Variants in HECW2 observed in about 807,000 individuals in gnomAD.
HECW2 encodes the protein HECT, C2 and WW domain containing E3 ubiquitin protein ligase 2.
HECW2 carries 61 observed loss-of-function variants against 175.2 expected under a neutral mutation model. The ratio of observed to expected loss-of-function variants is 0.35; its 90% confidence interval spans 0.28 to 0.43. The LOEUF (loss-of-function observed/expected upper bound fraction) is 0.43. Ranked by LOEUF, HECW2 falls within the 20% of genes least tolerant of loss-of-function variation. HECW2 has a pLI of 1.00. For synonymous variants in HECW2, 671 were observed against 731.0 expected (o/e 0.92, Z 1.32); for missense variants, 1,524 against 2,000.5 (o/e 0.76, Z 4.54).
At chr2:196,375,199 T>A (rs1225994477) in intron 2 of HECW2, among the ~76,000 whole-genome samples, 2 of 151,328 alleles carry the variant, frequency 1.3e-5, no homozygotes, top group East Asian at 3.9e-4. Context: ...AGAAAACTAG[T>A]TTCAATCTGT....
At chr2:196,502,575 T>C (rs1439363176) in intron 1 of HECW2, among the ~76,000 whole-genome samples, 1 of 152,244 alleles carries the variant, frequency 6.6e-6, no homozygotes, top group Admixed American at 6.5e-5. Context: ...ATGTTATACA[T>C]ATTCGTACTC....
At position 196,556,383 on chromosome 2, in the gene HECW2, G is replaced by T. The variant is rs140907602; in HGVS notation, c.-36+37125C>A. Among the ~76,000 whole-genome samples, 110 of 152,216 alleles carry T rather than the reference G, an allele frequency of 7.2e-4. 3 individuals carry two copies. Among genetic ancestry groups the T allele is most frequent in the African/African-American group, 2.2e-3 (91 of 41,536 alleles). On this transcript the variant is annotated intron_variant, in intron 1 of 28. Transcript: ENST00000644978. ...TTCACTATAGTCATCATGCTGTACA[G>T]TAAGTCTCCAGAATGTATTCATCTT...
chr2:196,523,471 T>C (rs1032075357), intron 1 of HECW2, among the ~76,000 whole-genome samples: 3 of 151,176 alleles, frequency 2.0e-5, no homozygotes, highest in African/African-American at 7.3e-5. Flanking sequence ...CTTTATTTCC[T>C]TCTCCTGCCT....
chr2:196,350,468 C>T (rs905563701), intron 2 of HECW2, among the ~76,000 whole-genome samples: 1 of 152,200 alleles, frequency 6.6e-6, no homozygotes, highest in Admixed American at 6.5e-5. Context: ...TTAGCAAGCA[C>T]CCCAACCAGA....
chr2:196,550,188 T>C (rs1689563746), intron 1 of HECW2, among the ~76,000 whole-genome samples: 1 of 152,216 alleles, frequency 6.6e-6, no homozygotes, highest in East Asian at 1.9e-4. Flanking sequence ...ACCATCCATA[T>C]AAAGGTAGAC....
intron 1 of HECW2, among the ~76,000 whole-genome samples, chr2:196,477,092 G>C (rs1686658646): frequency 6.7e-6 from 1 of 150,314 alleles, no homozygotes; most frequent in Admixed American, 6.7e-5. Flanking sequence ...AACAGGAGCT[G>C]TGATTACACC....
rs1317922712 is a variant in HECW2 at position 196,222,352 on chromosome 2, A to C, written c.4017-12T>G. 6.2e-7 allele frequency: 1 copy of C among 1,611,078 alleles called. No homozygotes were observed. The highest frequency in any genetic ancestry group is 1.1e-5 in the South Asian group (1 of 90,698). ...TCAGGTCACATAGACTAAGATGACA[A>C]ACAGACAGAAACAAATATGTAGGCA... is the stretch of plus-strand genomic sequence containing the variant. On this transcript the variant is annotated splice_polypyrimidine_tract_variant and intron_variant, in intron 23 of 28. Transcript: ENST00000644978.
chr2:196,252,203 A>AATAATAATAATAATG (rs1158487414), intron 19 of HECW2, among the ~76,000 whole-genome samples: 2 of 143,176 alleles, frequency 1.4e-5, no homozygotes, highest in Non-Finnish European at 3.1e-5. Flanking sequence ...TAATAATAAT[A>AATAATAATAATAATG]ATAATAATAA....
At chr2:196,396,834 G>A (rs62187104) in intron 2 of HECW2, among the ~76,000 whole-genome samples, 140,104 of 151,726 alleles carry the variant, frequency 0.92, 64,935 homozygotes, top group East Asian at 0.96. Context: ...AAAAATGGCC[G>A]GGTGTGGTGT....
rs1288971497 is a variant in HECW2, at chr2:196,196,175, C to G, written c.*5102G>C. The G allele has an allele frequency of 6.6e-6, 1 of 152,242 alleles. No homozygotes were observed. Among genetic ancestry groups the G allele is most frequent in the Admixed American group, 6.5e-5 (1 of 15,284 alleles). The allele number at this position is 152,242 out of a possible 1,614,324, so 9.4% of individuals were successfully genotyped here. On this transcript the variant is annotated 3_prime_UTR_variant, in exon 29 of 29. Coordinates refer to ENST00000644978, the MANE Select transcript of HECW2 (RefSeq NM_001348768.2). ...TCGGAATGCAGTTACCACTCTGAAT[C>G]TTGACAGTTGGTCAATAATTAGCAT...
chr2:196,236,816 A>G (rs1688269125), intron 21 of HECW2, among the ~76,000 whole-genome samples: 1 of 152,190 alleles, frequency 6.6e-6, no homozygotes, highest in African/African-American at 2.4e-5. Flanking sequence ...TATTATCAAC[A>G]TGACTTGTGG....
At chr2:196,247,137 G>GCCC (rs1688676243) in intron 19 of HECW2, among the ~76,000 whole-genome samples, 1 of 152,066 alleles carries the variant, frequency 6.6e-6, no homozygotes, top group East Asian at 1.9e-4. Context: ...TGTAGTCCCA[G>GCCC]CTACTTGGGG....
chr2:196,362,967 A>G (rs1192863785), intron 2 of HECW2, among the ~76,000 whole-genome samples: 1 of 152,192 alleles, frequency 6.6e-6, no homozygotes, highest in Non-Finnish European at 1.5e-5. Flanking sequence ...AACTAGATTT[A>G]AGCTTCACAC....
intron 1 of HECW2, among the ~76,000 whole-genome samples, chr2:196,521,891 AT>A (rs1206349274): frequency 1.3e-5 from 2 of 151,092 alleles, no homozygotes; most frequent in African/African-American, 4.9e-5. Flanking sequence ...ATTGTTGGAC[AT>A]TTGGGTTGGT....
At chr2:196,344,581 T>C (rs994822701) in intron 2 of HECW2, among the ~76,000 whole-genome samples, 2 of 152,164 alleles carry the variant, frequency 1.3e-5, no homozygotes, top group Non-Finnish European at 2.9e-5. Flanking sequence ...ATTCATATTC[T>C]ATAATTTGCT....
chr2:196,234,013 A>C (rs1688150067), intron 21 of HECW2, among the ~76,000 whole-genome samples: 1 of 152,206 alleles, frequency 6.6e-6, no homozygotes. Context: ...TAAACTCCCA[A>C]ACTAAAACTG....
intron 2 of HECW2, among the ~76,000 whole-genome samples, chr2:196,356,214 T>C (rs533341333): frequency 4.6e-5 from 7 of 152,318 alleles, no homozygotes; most frequent in African/African-American, 1.4e-4. Context: ...CATTTAAACC[T>C]CTAACAACCC....
chr2:196,222,632 G>A (rs939873541), intron 23 of HECW2, among the ~76,000 whole-genome samples: 3 of 152,140 alleles, frequency 2.0e-5, no homozygotes, highest in African/African-American at 7.2e-5. Context: ...AGTGCCATCT[G>A]CGCAGTCATC....
chr2:196,450,202 C>G (rs1696303607), intron 1 of HECW2, among the ~76,000 whole-genome samples: 1 of 152,274 alleles, frequency 6.6e-6, no homozygotes, highest in Non-Finnish European at 1.5e-5. Flanking sequence ...TTCAGTAATA[C>G]AATGGATATG....
Sources: allele counts gnomAD v4.1 joint callset (sites outside exome capture counted in the v4.1 genomes callset), GRCh38; gene constraint gnomAD v4.1.1; transcripts MANE v1.5; gene names NCBI Gene and HGNC (gene_info 2026-07-23, HGNC 2026-07-21).